RALY: variants seen among roughly 807,000 people sequenced by gnomAD.
RALY encodes the protein RALY heterogeneous nuclear ribonucleoprotein.
Under a neutral mutation model 30.7 loss-of-function variants are expected in RALY, and 15 were observed. The observed-to-expected ratio is 0.49, with a 90% CI of 0.33 to 0.75. The LOEUF is 0.75. RALY is among the 30% of genes least tolerant of loss of function. The pLI, the probability that RALY is intolerant of heterozygous loss-of-function variation, is 0.02. For synonymous variants in RALY, 177 were observed against 170.8 expected (o/e 1.04, Z -0.28); for missense variants, 339 against 414.3 (o/e 0.82, Z 1.58).
intron 2 of RALY, among the ~76,000 whole-genome samples, chr20:34,070,649 G>A (rs1030899380): frequency 3.9e-5 from 6 of 152,194 alleles, no homozygotes; most frequent in Non-Finnish European, 8.8e-5. Flanking sequence ...ATAGACTTTA[G>A]TGACAGACTG....
chr20:34,009,405 A>G (rs769084928), intron 1 of RALY, among the ~76,000 whole-genome samples: 3 of 151,730 alleles, frequency 2.0e-5, no homozygotes, highest in Non-Finnish European at 2.9e-5. Context: ...TGCCTGGCTA[A>G]TTTTGTATTT....
chr20:34,039,968 G>A (rs375682852), intron 2 of RALY, among the ~76,000 whole-genome samples: 28 of 152,226 alleles, frequency 1.8e-4, no homozygotes, highest in African/African-American at 6.7e-4. Context: ...AAAATTAGTT[G>A]GGCATGGTGG....
chr20:34,027,710 A>G (rs1176425757), intron 1 of RALY, among the ~76,000 whole-genome samples: 1 of 152,220 alleles, frequency 6.6e-6, no homozygotes. Flanking sequence ...CAACCAGTAC[A>G]GCTAGTATCA....
chr20:34,030,208 G>T (rs921837625), intron 1 of RALY, among the ~76,000 whole-genome samples: 4 of 152,238 alleles, frequency 2.6e-5, no homozygotes, highest in African/African-American at 9.6e-5. Flanking sequence ...AAGCCCTGGA[G>T]TTGGACTTCT....
At chr20:34,008,761 C>T (rs968824625) in intron 1 of RALY, among the ~76,000 whole-genome samples, 2 of 152,150 alleles carry the variant, frequency 1.3e-5, no homozygotes, top group Non-Finnish European at 2.9e-5. Context: ...TAGGCTTAAG[C>T]TATCCTCACG....
At chr20:34,015,354 C>T (rs1302327474) in intron 1 of RALY, among the ~76,000 whole-genome samples, 1 of 151,660 alleles carries the variant, frequency 6.6e-6, no homozygotes, top group East Asian at 1.9e-4. Context: ...TAAATCTCCC[C>T]CTTTCTCCAG....
intron 8 of RALY, chr20:34,077,478 G>T (rs1282955113): frequency 4.9e-6 from 4 of 814,714 alleles, no homozygotes; most frequent in Admixed American, 3.0e-5. Flanking sequence ...CCCAAATGCG[G>T]GCACATTCTG....
chr20:34,032,965 G>T (rs141944034), intron 2 of RALY, among the ~76,000 whole-genome samples: 118 of 152,238 alleles, frequency 7.8e-4, no homozygotes, highest in African/African-American at 2.7e-3. Flanking sequence ...TAGTGAGGGG[G>T]ACTACTAGAC....
chr20:34,078,389 G>A, intron 8 of RALY, 116 bp from the exon 9 acceptor site: 1 of 885,652 alleles, frequency 1.1e-6, no homozygotes, highest in African/African-American at 1.7e-5. Context: ...TGCGTCTTCT[G>A]ACTGTGTCCT....
chr20:34,053,383 A>ATTTTTTTTTTTTTTTTTTTTTTTTTT (rs60912814), intron 2 of RALY, among the ~76,000 whole-genome samples: 1 of 54,140 alleles, frequency 1.8e-5, no homozygotes, highest in African/African-American at 7.8e-5. Flanking sequence ...ATGTTCAATA[A>ATTTTTTTTTTTTTTTTTTTTTTTTTT]TTTTTTTTTT....
chr20:34,055,170 C>T (rs2033202997), intron 2 of RALY, among the ~76,000 whole-genome samples: 1 of 152,150 alleles, frequency 6.6e-6, no homozygotes, highest in South Asian at 2.1e-4. Flanking sequence ...ATTCCAGAGT[C>T]ATTTTCCTAA....
Position 34,035,152 on chromosome 20 carries a change from C to CAAAAAAAAAA in RALY, c.-10+3574_-10+3583dup, listed in dbSNP as rs61301033. 4.3e-4 allele frequency among the ~76,000 whole-genome samples: 14 copies of CAAAAAAAAAA among 32,526 alleles called. 3 individuals are homozygous for CAAAAAAAAAA. Among genetic ancestry groups the CAAAAAAAAAA allele is most frequent in the Non-Finnish European group, 8.0e-4 (9 of 11,202 alleles). The allele number at this position is 32,526 out of a possible 152,430, so 21.3% of individuals were successfully genotyped here. ...TGGGCGACAGAGCGAGACTCCATCT[C>CAAAAAAAAAA]AAAAAAAAAAAAAAAAAAAAAAAAA... On this transcript the variant is annotated intron_variant, in intron 2 of 9. Transcript: ENST00000246194.
intron 1 of RALY, among the ~76,000 whole-genome samples, chr20:34,004,325 A>G (rs955148009): frequency 1.3e-5 from 2 of 152,210 alleles, no homozygotes; most frequent in Admixed American, 6.5e-5. Flanking sequence ...CAGATTATGA[A>G]ATACCAATCA....
Position 34,072,283 on chromosome 20 carries a change from C to T in RALY, c.209C>T (p.Ala70Val), listed in dbSNP as rs778590828. ...TACTCCAATGAGCGCCATGCCCGGG[C>T]AGCTGTGCTGGGAGAGAATGGGCGG... ...VQYSNERHAR[A>V]AVLGENGRVL... is the part of the protein sequence containing the mutation. The change falls in exon 3 of 10, where the codon GCA becomes GTA. Residue 70 changes from alanine to valine, a missense_variant. Transcript: ENST00000246194. 5.6e-6 allele frequency: 9 copies of T among 1,613,878 alleles called. No homozygotes were observed. The highest frequency in any genetic ancestry group is 7.6e-6 in the Non-Finnish European group (9 of 1,180,050).
intron 2 of RALY, among the ~76,000 whole-genome samples, chr20:34,033,637 G>A (rs1312742262): frequency 6.6e-6 from 1 of 152,052 alleles, no homozygotes; most frequent in Non-Finnish European, 1.5e-5. Flanking sequence ...TTCCAGGGAG[G>A]GGATTAATCT....
At chr20:34,053,356 A>G (rs148986926) in intron 2 of RALY, among the ~76,000 whole-genome samples, 4 of 146,650 alleles carry the variant, frequency 2.7e-5, no homozygotes, top group African/African-American at 1.0e-4. Flanking sequence ...GCCTAGTGCA[A>G]GGCCAACATT....
At chr20:34,073,281 G>A (rs2033781951) in intron 3 of RALY, among the ~76,000 whole-genome samples, 1 of 151,612 alleles carries the variant, frequency 6.6e-6, no homozygotes, top group Non-Finnish European at 1.5e-5. Flanking sequence ...AGGAATATTC[G>A]ACGTGTGTGT....
chr20:34,009,342 A>C (rs755735059), intron 1 of RALY, among the ~76,000 whole-genome samples: 8 of 151,770 alleles, frequency 5.3e-5, no homozygotes, highest in Non-Finnish European at 1.0e-4. Flanking sequence ...GGGTTCAAGT[A>C]ATTCTCCTGT....
chr20:34,057,683 A>C (rs1435339447), intron 2 of RALY, among the ~76,000 whole-genome samples: 1 of 151,966 alleles, frequency 6.6e-6, no homozygotes, highest in African/African-American at 2.4e-5. Flanking sequence ...AAAAAAAAAA[A>C]AACAACCTCT....
Sources: allele counts gnomAD v4.1 joint callset (sites outside exome capture counted in the v4.1 genomes callset), GRCh38; gene constraint gnomAD v4.1.1; transcripts MANE v1.5; gene names NCBI Gene and HGNC (gene_info 2026-07-23, HGNC 2026-07-21).